SLC30A9: variants seen among roughly 807,000 people sequenced by gnomAD.
SLC30A9 encodes the protein proton-coupled zinc antiporter SLC30A9, mitochondrial.
SLC30A9 carries 58 observed loss-of-function variants against 87.5 expected under a neutral mutation model. The ratio of observed to expected loss-of-function variants is 0.66; its 90% CI spans 0.54 to 0.82. The LOEUF (loss-of-function observed/expected upper bound fraction) is 0.82. Ranked by LOEUF, SLC30A9 falls within the 40% of genes least tolerant of loss-of-function variation. SLC30A9 has a pLI of 0.00. For synonymous variants in SLC30A9, 234 were observed against 233.0 expected (o/e 1.00, Z -0.04); for missense variants, 557 against 679.1 (o/e 0.82, Z 2.00).
intron 14 of SLC30A9, among the ~76,000 whole-genome samples, chr4:42,068,417 A>G (rs912456481): frequency 1.1e-4 from 16 of 151,502 alleles, no homozygotes; most frequent in African/African-American, 3.6e-4. Context: ...CTAGTTTTGT[A>G]TTTTCATTAG....
chr4:42,086,271 G>T lies in SLC30A9; in HGVS notation c.*145G>T. ...AGATGAAGGAAATATTTTATGTAAA[G>T]AGCAACTCAGCAGGACACAGAACTA... On this transcript the variant is annotated 3_prime_UTR_variant, in exon 18 of 18. Coordinates refer to ENST00000264451, the MANE Select transcript of SLC30A9 (RefSeq NM_006345.4). The T allele has an allele frequency of 2.3e-6, 1 of 432,616 alleles. No individual in the cohort carries two copies. The highest frequency in any genetic ancestry group is 4.2e-6 in the Non-Finnish European group (1 of 236,958). The allele number at this position is 432,616 out of a possible 1,614,324, so 26.8% of individuals were successfully genotyped here. A position where few individuals can be genotyped will look rare whatever the true frequency, so the allele number is the denominator to read the frequency against.
chr4:41,997,357 C>T (rs1714765281), intron 1 of SLC30A9, among the ~76,000 whole-genome samples: 1 of 151,280 alleles, frequency 6.6e-6, no homozygotes, highest in South Asian at 2.1e-4. Context: ...TAATGGTAGA[C>T]TATATTACAA....
At chr4:42,032,873 G>A (rs978717307) in intron 6 of SLC30A9, among the ~76,000 whole-genome samples, 3 of 152,142 alleles carry the variant, frequency 2.0e-5, no homozygotes, top group African/African-American at 7.2e-5. Context: ...TCTAAAAGGA[G>A]CCACTTTTCT....
intron 9 of SLC30A9, 90 bp from the exon 10 acceptor site, chr4:42,060,101 T>G: frequency 4.2e-6 from 4 of 959,454 alleles, no homozygotes; most frequent in Non-Finnish European, 6.7e-6. Flanking sequence ...TTCTTTGTCA[T>G]TGTTAGCCTG....
Position 42,020,416 on chromosome 4 carries a change from T to TTGAA in SLC30A9, c.336_337insGAAT (p.Lys113GlufsTer2). 6.9e-7 allele frequency: 1 copy of TTGAA among 1,450,070 alleles called. No individual in the cohort carries two copies. The highest frequency in any genetic ancestry group is 9.6e-7 in the Non-Finnish European group (1 of 1,037,420). The allele number at this position is 1,450,070 out of a possible 1,614,324, so 89.8% of individuals were successfully genotyped here. Reference sequence around the variant, plus strand: ...TTATGTTTTCCTGTTTTTTGTTTAGTTAAAGCAGTCCTTAAGAAAAGGGAG... The same window carrying TTGAA: ...TTATGTTTTCCTGTTTTTTGTTTAGTTGAATAAAGCAGTCCTTAAGAAAAGGGAG... On this transcript the variant is annotated frameshift_variant and splice_region_variant, in exon 4 of 18. Transcript: ENST00000264451. LOFTEE classifies it high-confidence loss of function.
chr4:42,023,267 A>G (rs4861153), intron 5 of SLC30A9, 35 bp from the exon 6 acceptor site: 222,119 of 1,364,518 alleles, frequency 0.16, 24,108 homozygotes, highest in African/African-American at 0.53. Flanking sequence ...AGTCATTAAA[A>G]TTGTTCATTG....
intron 3 of SLC30A9, among the ~76,000 whole-genome samples, chr4:42,019,307 CAT>C (rs1437299120): frequency 6.6e-6 from 1 of 152,158 alleles, no homozygotes; most frequent in Non-Finnish European, 1.5e-5. Flanking sequence ...TTATCTCTAT[CAT>C]ATGACCAAAA....
At chr4:42,060,868 G>A (rs1010206439) in intron 10 of SLC30A9, among the ~76,000 whole-genome samples, 6 of 152,098 alleles carry the variant, frequency 3.9e-5, no homozygotes, top group African/African-American at 9.6e-5. Flanking sequence ...CAAAAAAAGT[G>A]CACTTTTATT....
intron 17 of SLC30A9, among the ~76,000 whole-genome samples, chr4:42,085,593 T>C (rs533309541): frequency 6.6e-6 from 1 of 152,358 alleles, no homozygotes; most frequent in East Asian, 1.9e-4. Context: ...ATTACTGCTA[T>C]GCTGGTCTCC....
Position 42,072,776 on chromosome 4 carries a change from A to G in SLC30A9, c.1418+2085A>G, listed in dbSNP as rs187010149. On this transcript the variant is annotated intron_variant, in intron 15 of 17. Transcript: ENST00000264451. Reference sequence around the variant, plus strand: ...GTTTAATTGGTTTATAGTGACTTCAATTTCCCTAATTATCTTCTTGCTCTA... The same window carrying G: ...GTTTAATTGGTTTATAGTGACTTCAGTTTCCCTAATTATCTTCTTGCTCTA... 4.9e-4 allele frequency among the ~76,000 whole-genome samples: 71 copies of G among 145,058 alleles called. 1 individual carries two copies. Among genetic ancestry groups the G allele is most frequent in the East Asian group, 2.0e-3 (10 of 4,990 alleles).
At chr4:41,993,656 A>G (rs1714556211) in intron 1 of SLC30A9, among the ~76,000 whole-genome samples, 1 of 152,194 alleles carries the variant, frequency 6.6e-6, no homozygotes, top group Non-Finnish European at 1.5e-5. Context: ...ACTGATTGAA[A>G]ACATAAACGG....
intron 8 of SLC30A9, among the ~76,000 whole-genome samples, chr4:42,040,530 G>A (rs1241617035): frequency 2.6e-5 from 4 of 152,182 alleles, no homozygotes; most frequent in South Asian, 2.1e-4. Context: ...ATTCCTTGAA[G>A]AATGTTAACA....
rs577403817 is a variant in SLC30A9, at chr4:41,990,684, C to G, written c.33C>G (p.His11Gln). Reference sequence around the variant, plus strand: ...CCGGCTTGGCCGCCGCCGCGGCCCACAGATGTAGCTGGTCCTCCCTGTGCC... The same window carrying G: ...CCGGCTTGGCCGCCGCCGCGGCCCAGAGATGTAGCTGGTCCTCCCTGTGCC... MLPGLAAAAA[H>Q]RCSWSSLCRL... The change falls in exon 1 of 18, where the codon CAC becomes CAG. Residue 11 changes from histidine to glutamine, a missense_variant. This residue lies in a region of SLC30A9 where 467 missense variants were observed against 529.8 expected (regional missense o/e 0.88). Coordinates refer to ENST00000264451, the MANE Select transcript of SLC30A9 (RefSeq NM_006345.4). 4 of 1,610,034 alleles carry G rather than the reference C, an allele frequency of 2.5e-6. No individual in the cohort carries two copies. The African/African-American group carries it at 5.3e-5, about 21-fold the overall frequency.
intron 9 of SLC30A9, among the ~76,000 whole-genome samples, chr4:42,053,125 C>T (rs1164000311): frequency 1.3e-5 from 2 of 152,132 alleles, no homozygotes; most frequent in Non-Finnish European, 2.9e-5. Context: ...TGTGCTAACA[C>T]CGTTAATGAT....
At chr4:42,060,126 G>A (rs1717783371) in intron 9 of SLC30A9, 65 bp from the exon 10 acceptor site, 2 of 1,248,986 alleles carry the variant, frequency 1.6e-6, no homozygotes, top group African/African-American at 2.9e-5. Flanking sequence ...CTCCACATTG[G>A]CTTTACCATA....
chr4:42,028,932 T>C (rs565643716), intron 6 of SLC30A9, among the ~76,000 whole-genome samples: 5 of 152,214 alleles, frequency 3.3e-5, no homozygotes, highest in Non-Finnish European at 4.4e-5. Flanking sequence ...CAGTGTAAAA[T>C]TACAGGGGAA....
chr4:42,034,424 A>C (rs1560545571), intron 6 of SLC30A9, among the ~76,000 whole-genome samples: 2 of 102,456 alleles, frequency 2.0e-5, no homozygotes, highest in African/African-American at 2.6e-5. Flanking sequence ...ACTACCCCCC[A>C]TTTCCCTGCC....
chr4:42,045,160 A>T (rs371752954), intron 8 of SLC30A9, among the ~76,000 whole-genome samples: 1 of 152,086 alleles, frequency 6.6e-6, no homozygotes, highest in Non-Finnish European at 1.5e-5. Context: ...AACTAGAGAA[A>T]CAAGAGTAAA....
chr4:41,997,376 A>G (rs2581456), intron 1 of SLC30A9, among the ~76,000 whole-genome samples: 148,477 of 152,000 alleles, frequency 0.98, 72,535 homozygotes, highest in East Asian at 1. Flanking sequence ...AAATTGTGAT[A>G]ATGATGTTAA....
Sources: gnomAD v4.1 joint callset for allele counts (sites outside exome capture counted in the v4.1 genomes callset) on GRCh38, gnomAD v4.1.1 for gene constraint, gnomAD v4.1.1 regional missense constraint, MANE v1.5 for transcripts, NCBI Gene and HGNC (gene_info 2026-07-23, HGNC 2026-07-21) for gene names.